The following SOX6 variants were observed in gnomAD, a reference collection of about 807,000 sequenced individuals.
SOX6 encodes the protein transcription factor SOX-6.
SOX6 carries 11 observed loss-of-function variants against 97.8 expected under a neutral mutation model. The observed-to-expected ratio is 0.11, with a 90% CI of 0.07 to 0.19. The LOEUF (loss-of-function observed/expected upper bound fraction) is 0.19. SOX6 is among the 10% of genes least tolerant of loss of function. The probability of loss-of-function intolerance (pLI) is 1.00; values close to 1 mark genes in which losing one functional copy is unlikely to be tolerated. For missense variants in SOX6, 810 were observed against 1,039.5 expected, an observed-to-expected ratio of 0.78 and a Z score of 3.04; for synonymous variants, 360 against 371.4, an observed-to-expected ratio of 0.97 and a Z score of 0.35.
At position 16,491,841 on chromosome 11, in the gene SOX6, CA is replaced by C. The variant is rs1170141614; in HGVS notation, n.610-15454del. Among the ~76,000 whole-genome samples the C allele has an allele frequency of 2.0e-5, 3 of 152,036 alleles. No individual in the cohort carries two copies. In the East Asian group the frequency reaches 5.8e-4, roughly 29 times the overall value. Reference sequence around the variant, plus strand: ...TATCATACAATGCAAAGATCAGTTCCAGGTAGTCTATGGGTCTAAATTAAAA... The same window carrying C: ...TATCATACAATGCAAAGATCAGTTCCGGTAGTCTATGGGTCTAAATTAAAA... On this transcript the variant is annotated intron_variant and non_coding_transcript_variant, in intron 4 of 5. Coordinates refer to the SOX6 transcript ENST00000524520.
At chr11:16,466,347 AAT>A (rs1244378259) in intron 1 of SOX6, among the ~76,000 whole-genome samples, 1 of 152,230 alleles carries the variant, frequency 6.6e-6, no homozygotes, top group Non-Finnish European at 1.5e-5. Context: ...TTATAAGCTG[AAT>A]AGTTACTAAA....
chr11:16,153,316 C>T (rs900661517), intron 6 of SOX6, among the ~76,000 whole-genome samples: 1 of 152,038 alleles, frequency 6.6e-6, no homozygotes, highest in Non-Finnish European at 1.5e-5. Context: ...CCTAGAGTTA[C>T]TTTTTTAAGG....
intron 1 of SOX6, among the ~76,000 whole-genome samples, chr11:16,431,194 C>T (rs1287746054): frequency 6.6e-6 from 1 of 152,120 alleles, no homozygotes; most frequent in African/African-American, 2.4e-5. Flanking sequence ...CTCACCTCAG[C>T]ACTCCCTACC....
intron 1 of SOX6, among the ~76,000 whole-genome samples, chr11:16,411,642 T>C (rs553699218): frequency 1.3e-5 from 2 of 152,134 alleles, no homozygotes; most frequent in Non-Finnish European, 2.9e-5. Flanking sequence ...CATATTTCAA[T>C]ATAAAAACAC....
intron 1 of SOX6, among the ~76,000 whole-genome samples, chr11:16,413,985 G>T (rs1473410690): frequency 6.6e-6 from 1 of 150,922 alleles, no homozygotes; most frequent in Non-Finnish European, 1.5e-5. Flanking sequence ...ACTGGAAAGC[G>T]ATTAAAGGAA....
chr11:16,620,560 T>TG (rs2133988425), intron 3 of SOX6, among the ~76,000 whole-genome samples: 1 of 152,286 alleles, frequency 6.6e-6, no homozygotes, highest in Non-Finnish European at 1.5e-5. Flanking sequence ...CATGCCACCA[T>TG]GCCTGGCTTG....
intron 4 of SOX6, among the ~76,000 whole-genome samples, chr11:16,537,431 C>T (rs1781891613): frequency 6.8e-6 from 1 of 147,974 alleles, no homozygotes; most frequent in Non-Finnish European, 1.5e-5. Context: ...CAAAGGATTG[C>T]AGCTTCTTGT....
At chr11:16,259,965 G>GTA (rs1853828863) in intron 3 of SOX6, among the ~76,000 whole-genome samples, 1 of 151,916 alleles carries the variant, frequency 6.6e-6, no homozygotes, top group Admixed American at 6.6e-5. Flanking sequence ...GTGTGTGTGT[G>GTA]TGTGTGTGTA....
intron 2 of SOX6, among the ~76,000 whole-genome samples, chr11:16,730,993 T>C (rs921613507): frequency 6.6e-6 from 1 of 151,396 alleles, no homozygotes; most frequent in Non-Finnish European, 1.5e-5. Flanking sequence ...AACTAGAAAA[T>C]CTAGAAGAAA....
At chr11:16,481,870 AAG>A (rs1303860367) in intron 4 of SOX6, among the ~76,000 whole-genome samples, 12 of 152,226 alleles carry the variant, frequency 7.9e-5, no homozygotes, top group Non-Finnish European at 1.6e-4. Context: ...AAAGTTTTTA[AAG>A]AGTTATTTTA....
intron 3 of SOX6, among the ~76,000 whole-genome samples, chr11:16,251,602 CT>C (rs1853512313): frequency 6.6e-6 from 1 of 151,950 alleles, no homozygotes; most frequent in African/African-American, 2.4e-5. Flanking sequence ...ATGTAAAGCC[CT>C]CTCACAGAGA....
At chr11:16,344,082 T>G (rs985100281) in intron 1 of SOX6, among the ~76,000 whole-genome samples, 4 of 151,976 alleles carry the variant, frequency 2.6e-5, no homozygotes, top group African/African-American at 9.7e-5. Context: ...AAAAATACTT[T>G]TCCAAATCAT....
At chr11:16,394,855 T>C (rs1032198900) in intron 1 of SOX6, among the ~76,000 whole-genome samples, 7 of 151,826 alleles carry the variant, frequency 4.6e-5, no homozygotes, top group Non-Finnish European at 1.0e-4. Context: ...GTTCAGTTCC[T>C]GTGTCCAGGA....
chr11:16,414,574 A>C (rs1858889424), intron 1 of SOX6, among the ~76,000 whole-genome samples: 1 of 152,190 alleles, frequency 6.6e-6, no homozygotes, highest in South Asian at 2.1e-4. Flanking sequence ...TTAAAAAAAA[A>C]CACAAAACTT....
chr11:16,604,794 A>G (rs1434982510), intron 4 of SOX6, among the ~76,000 whole-genome samples: 1 of 152,226 alleles, frequency 6.6e-6, no homozygotes, highest in Admixed American at 6.5e-5. Flanking sequence ...CACACAAAAC[A>G]ACATTTTCAA....
intron 1 of SOX6, among the ~76,000 whole-genome samples, chr11:16,467,442 G>A (rs931044931): frequency 6.6e-6 from 1 of 152,188 alleles, no homozygotes; most frequent in Non-Finnish European, 1.5e-5. Context: ...ACACACTATG[G>A]AATACTATGC....
At chr11:16,465,770 T>G (rs1860018408) in intron 1 of SOX6, 1 of 152,220 alleles carries the variant, frequency 6.6e-6, no homozygotes, top group Non-Finnish European at 1.5e-5. Flanking sequence ...GAAAATCTGC[T>G]TTTATTAATG....
chr11:16,479,596 A>G (rs1263599781), upstream of SOX6, among the ~76,000 whole-genome samples: 1 of 152,054 alleles, frequency 6.6e-6, no homozygotes, highest in Non-Finnish European at 1.5e-5. Flanking sequence ...GCAAATGTCC[A>G]ATAATATAAA....
chr11:15,989,240 C>A lies in SOX6; in HGVS notation c.1733-10G>T. On this transcript the variant is annotated splice_polypyrimidine_tract_variant and intron_variant, in intron 13 of 15. Transcript: ENST00000683767. ...TTCATTGCTTTACTTCCTGTAATGT[C>A]AGGGCAGGAAGAACAAGATGAGTGG... The A allele has an allele frequency of 6.3e-7, 1 of 1,587,022 alleles. No homozygotes were observed. Among genetic ancestry groups the A allele is most frequent in the South Asian group, 1.1e-5 (1 of 88,264 alleles).
Sources: gnomAD v4.1 joint callset for allele counts (sites outside exome capture counted in the v4.1 genomes callset) on GRCh38, gnomAD v4.1.1 for gene constraint, MANE v1.5 for transcripts, NCBI Gene and HGNC (gene_info 2026-07-23, HGNC 2026-07-21) for gene names.